AFF3: variants seen among roughly 807,000 people sequenced by gnomAD.
AFF3 encodes ALF transcription elongation factor 3.
A neutral mutation model predicts 129.7 loss-of-function variants in AFF3; 32 were observed. The observed-to-expected ratio is 0.25, with a 90% CI of 0.19 to 0.33. The LOEUF (loss-of-function observed/expected upper bound fraction) is 0.33. AFF3 is among the 10% of genes least tolerant of loss of function. The pLI is 1.00. For synonymous variants in AFF3, 644 were observed against 635.4 expected, an observed-to-expected ratio of 1.01 and a Z score of -0.20; for missense variants, 1,373 against 1,592.0, an observed-to-expected ratio of 0.86 and a Z score of 2.34.
At chr2:99,821,910 A>T (rs1303764150) in intron 8 of AFF3, among the ~76,000 whole-genome samples, 1 of 152,216 alleles carries the variant, frequency 6.6e-6, no homozygotes, top group Admixed American at 6.5e-5. Context: ...CAATGAAGAA[A>T]CAAAGGCAGC....
rs563919079 is a variant in AFF3 at position 99,986,657 on chromosome 2, T to C, written c.873+19975A>G. ...TTTTAAAAATGACTTATTATACTGT[T>C]TTACCTAAAGAACAATAATTCATAC... On this transcript the variant is annotated intron_variant, in intron 7 of 24. Coordinates refer to ENST00000672756, the MANE Select transcript of AFF3 (RefSeq NM_001386135.1). 3.7e-3 allele frequency among the ~76,000 whole-genome samples: 559 copies of C among 152,284 alleles called. 3 individuals are homozygous for C. The highest frequency in any genetic ancestry group is 0.013 in the African/African-American group (533 of 41,558).
At chr2:99,943,547 C>T (rs1373663141) in intron 7 of AFF3, among the ~76,000 whole-genome samples, 1 of 152,176 alleles carries the variant, frequency 6.6e-6, no homozygotes, top group Non-Finnish European at 1.5e-5. Flanking sequence ...GTGACACTGC[C>T]TTCTTTCCAA....
In AFF3 at chr2:100,008,806, A is replaced by G. The variant is rs1252886796; in HGVS notation, c.174+6T>C. 2 of 1,613,186 alleles carry G rather than the reference A, an allele frequency of 1.2e-6. No individual in the cohort carries two copies. Among genetic ancestry groups the G allele is most frequent in the African/African-American group, 1.3e-5 (1 of 74,912 alleles). ...AGGTAGAGATGAACAACTGAAAACC[A>G]TCTACCTTGTAGGGCTCACTGAAGA... is the stretch of plus-strand genomic sequence containing the variant. On this transcript the variant is annotated splice_donor_region_variant and intron_variant, in intron 5 of 24. Coordinates refer to ENST00000672756, the MANE Select transcript of AFF3 (RefSeq NM_001386135.1).
intron 8 of AFF3, among the ~76,000 whole-genome samples, chr2:99,768,047 A>C (rs1683167951): frequency 6.6e-6 from 1 of 152,126 alleles, no homozygotes; most frequent in African/African-American, 2.4e-5. Context: ...AACCTTCCTT[A>C]ATTGTTGTGT....
intron 11 of AFF3, among the ~76,000 whole-genome samples, chr2:99,685,886 T>C (rs1675004374): frequency 1.3e-5 from 2 of 151,972 alleles, no homozygotes; most frequent in Admixed American, 6.6e-5. Context: ...AGAGTAGGGA[T>C]AAAAACAGAC....
chr2:99,831,227 G>A (rs1209284290), intron 8 of AFF3, among the ~76,000 whole-genome samples: 1 of 152,224 alleles, frequency 6.6e-6, no homozygotes, highest in Non-Finnish European at 1.5e-5. Context: ...AGCATCTGCT[G>A]TATGCTTCTT....
intron 4 of AFF3, among the ~76,000 whole-genome samples, chr2:100,042,173 G>A (rs778722626): frequency 9.2e-5 from 14 of 151,992 alleles, no homozygotes; most frequent in Non-Finnish European, 1.3e-4. Flanking sequence ...CCTTGTCCCC[G>A]CTGTTTTCTT....
chr2:99,684,824 TTC>T (rs1024898956), intron 11 of AFF3, among the ~76,000 whole-genome samples: 3 of 152,088 alleles, frequency 2.0e-5, no homozygotes, highest in Non-Finnish European at 4.4e-5. Context: ...TTTGCATATT[TTC>T]TCTGATACTT....
intron 8 of AFF3, among the ~76,000 whole-genome samples, chr2:99,830,799 C>T (rs541537771): frequency 6.6e-6 from 1 of 152,200 alleles, no homozygotes; most frequent in Non-Finnish European, 1.5e-5. Flanking sequence ...GACCTGCTCA[C>T]CTAGTGCTTT....
chr2:100,022,496 C>A (rs946176222), intron 4 of AFF3, among the ~76,000 whole-genome samples: 1 of 151,560 alleles, frequency 6.6e-6, no homozygotes, highest in African/African-American at 2.4e-5. Flanking sequence ...CTGTGACCTC[C>A]GCCTTCCGGG....
At chr2:99,893,477 T>A (rs901345327) in intron 7 of AFF3, among the ~76,000 whole-genome samples, 1 of 152,134 alleles carries the variant, frequency 6.6e-6, no homozygotes, top group South Asian at 2.1e-4. Context: ...TTGGATCAGA[T>A]CAGGAAGGCG....
chr2:100,057,263 G>T (rs1686871996), intron 4 of AFF3, among the ~76,000 whole-genome samples: 1 of 145,862 alleles, frequency 6.9e-6, no homozygotes, highest in South Asian at 2.3e-4. Flanking sequence ...AGAGGTTGCA[G>T]TGAGCTGAGA....
chr2:99,970,512 ATTCT>A (rs1342260156), intron 7 of AFF3, among the ~76,000 whole-genome samples: 1 of 152,154 alleles, frequency 6.6e-6, no homozygotes, highest in Non-Finnish European at 1.5e-5. Flanking sequence ...GCTGGCTCAA[ATTCT>A]TTATTAAACT....
intron 11 of AFF3, among the ~76,000 whole-genome samples, chr2:99,724,296 A>C (rs1679177677): frequency 1.1e-4 from 1 of 8,948 alleles, no homozygotes; most frequent in African/African-American, 6.3e-4. Context: ...TTTTTGAGAC[A>C]CAGTCTCATG....
At chr2:100,027,350 T>G (rs1684130100) in intron 4 of AFF3, among the ~76,000 whole-genome samples, 1 of 152,230 alleles carries the variant, frequency 6.6e-6, no homozygotes, top group Non-Finnish European at 1.5e-5. Context: ...ATAGCAGGTC[T>G]TCTGACACCA....
chr2:99,720,562 T>C (rs1678798504), intron 11 of AFF3, among the ~76,000 whole-genome samples: 1 of 152,170 alleles, frequency 6.6e-6, no homozygotes, highest in Non-Finnish European at 1.5e-5. Flanking sequence ...CTTTTCTTCA[T>C]AAACCACCCA....
chr2:99,886,016 T>C (rs1019712107), intron 7 of AFF3, among the ~76,000 whole-genome samples: 4 of 152,226 alleles, frequency 2.6e-5, no homozygotes, highest in South Asian at 2.1e-4. Context: ...TGAAAGTTTA[T>C]TGATTCAGTT....
chr2:99,638,608 A>G (rs1558681163), intron 13 of AFF3, among the ~76,000 whole-genome samples: 1 of 152,164 alleles, frequency 6.6e-6, no homozygotes, highest in African/African-American at 2.4e-5. Context: ...CTTCTCCACT[A>G]GCAGAGAAGG....
At chr2:100,002,220 C>T (rs1188527198) in intron 7 of AFF3, among the ~76,000 whole-genome samples, 1 of 152,198 alleles carries the variant, frequency 6.6e-6, no homozygotes. Context: ...GTACACATTG[C>T]TTTACAGATG....
Sources: gnomAD v4.1 joint callset for allele counts (sites outside exome capture counted in the v4.1 genomes callset) on GRCh38, gnomAD v4.1.1 for gene constraint, MANE v1.5 for transcripts, NCBI Gene and HGNC (gene_info 2026-07-23, HGNC 2026-07-21) for gene names.